LYN: variants seen among roughly 807,000 people sequenced by gnomAD.
The protein encoded by LYN is LYN proto-oncogene, Src family tyrosine kinase.
Under a neutral mutation model 65.0 loss-of-function variants are expected in LYN, and 12 were observed. The ratio of observed to expected loss-of-function variants is 0.18; its 90% confidence interval spans 0.12 to 0.30. The LOEUF is 0.30. Ranked by LOEUF, LYN falls within the 10% of genes least tolerant of loss-of-function variation. The pLI is 1.00. For missense variants in LYN, 380 were observed against 623.2 expected, an observed-to-expected ratio of 0.61 and a Z score of 4.16; for synonymous variants, 222 against 221.2, an observed-to-expected ratio of 1.00 and a Z score of -0.03.
intron 1 of LYN, among the ~76,000 whole-genome samples, chr8:55,937,292 C>T (rs1320316068): frequency 6.6e-6 from 1 of 152,082 alleles, no homozygotes; most frequent in African/African-American, 2.4e-5. Flanking sequence ...GGATTGTGTA[C>T]ATATATTAGG....
intron 10 of LYN, among the ~76,000 whole-genome samples, chr8:55,974,605 G>A (rs185790277): frequency 2.0e-5 from 3 of 152,270 alleles, no homozygotes; most frequent in East Asian, 3.9e-4. Context: ...TATGTTGGTC[G>A]TAAATCAGGC....
intron 1 of LYN, among the ~76,000 whole-genome samples, chr8:55,918,450 T>A (rs1365513938): frequency 6.6e-6 from 1 of 152,252 alleles, no homozygotes; most frequent in African/African-American, 2.4e-5. Context: ...TTACAAGCTC[T>A]AATGTGCAGC....
intron 1 of LYN, among the ~76,000 whole-genome samples, chr8:55,925,450 A>G (rs947305031): frequency 3.3e-5 from 5 of 152,116 alleles, no homozygotes; most frequent in African/African-American, 7.2e-5. Context: ...TCATTCCACC[A>G]TATTTCTTTT....
intron 1 of LYN, among the ~76,000 whole-genome samples, chr8:55,920,106 C>T (rs1422618484): frequency 6.6e-6 from 1 of 152,140 alleles, no homozygotes; most frequent in African/African-American, 2.4e-5. Context: ...AATATGTGAG[C>T]ATGGGCTGTA....
At chr8:55,969,673 T>C in intron 9 of LYN, 44 bp from the exon 10 acceptor site, 1 of 1,416,490 alleles carries the variant, frequency 7.1e-7, no homozygotes, top group Non-Finnish European at 1.0e-6. Context: ...GGATTTTTTC[T>C]TGTGTGTTTG....
intron 4 of LYN, 109 bp from the exon 5 acceptor site, chr8:55,950,350 A>G (rs1304629840): frequency 1.4e-6 from 1 of 720,516 alleles, no homozygotes; most frequent in Non-Finnish European, 2.3e-6. Context: ...TTTAATTGAT[A>G]TGTAATATCT....
intron 4 of LYN, among the ~76,000 whole-genome samples, chr8:55,949,341 G>T (rs901440853): frequency 6.6e-6 from 1 of 152,166 alleles, no homozygotes; most frequent in Admixed American, 6.5e-5. Context: ...TCTTCTTTGT[G>T]CACCCCTGAT....
intron 12 of LYN, among the ~76,000 whole-genome samples, chr8:56,003,890 A>G (rs1808599824): frequency 6.6e-6 from 1 of 150,752 alleles, no homozygotes; most frequent in Non-Finnish European, 1.5e-5. Context: ...TGAAATTTCT[A>G]ATTTTTTTAC....
intron 12 of LYN, among the ~76,000 whole-genome samples, chr8:56,005,894 G>A (rs1314658835): frequency 6.6e-6 from 1 of 152,088 alleles, no homozygotes; most frequent in African/African-American, 2.4e-5. Context: ...GACCAGCCTG[G>A]GCAACATAGC....
intron 10 of LYN, among the ~76,000 whole-genome samples, chr8:55,983,166 A>T (rs1019705661): frequency 6.6e-6 from 1 of 152,008 alleles, no homozygotes; most frequent in African/African-American, 2.4e-5. Context: ...GAACCCCGAC[A>T]TGTGCCCAGT....
At chr8:55,936,595 G>T (rs532898898) in intron 1 of LYN, among the ~76,000 whole-genome samples, 1 of 152,024 alleles carries the variant, frequency 6.6e-6, no homozygotes, top group Non-Finnish European at 1.5e-5. Context: ...AGCAGAGATC[G>T]CGCCATTGCA....
At chr8:55,898,222 T>A (rs146649403) in intron 1 of LYN, among the ~76,000 whole-genome samples, 1 of 152,176 alleles carries the variant, frequency 6.6e-6, no homozygotes, top group Non-Finnish European at 1.5e-5. Flanking sequence ...TTTTCTGTAA[T>A]GTCATATAAA....
intron 1 of LYN, 65 bp from the exon 2 acceptor site, chr8:55,941,790 C>T: frequency 8.4e-7 from 1 of 1,186,400 alleles, no homozygotes; most frequent in Non-Finnish European, 1.2e-6. Flanking sequence ...TTATTGGAGA[C>T]ATTTTGATGG....
chr8:55,915,208 C>T (rs369511879), intron 1 of LYN, among the ~76,000 whole-genome samples: 36 of 152,276 alleles, frequency 2.4e-4, no homozygotes, highest in African/African-American at 8.4e-4. Context: ...ATGGATGCTG[C>T]CTGCCTTCCA....
intron 1 of LYN, among the ~76,000 whole-genome samples, chr8:55,919,117 A>C (rs113515656): frequency 6.6e-4 from 100 of 152,124 alleles, no homozygotes; most frequent in Non-Finnish European, 9.6e-4. Context: ...GAGATAACAC[A>C]TTTTAAGCAG....
At chr8:55,942,431 ATG>A (rs1179290515) in intron 2 of LYN, among the ~76,000 whole-genome samples, 41 of 133,270 alleles carry the variant, frequency 3.1e-4, no homozygotes, top group Non-Finnish European at 5.2e-4. Flanking sequence ...ATATATATAT[ATG>A]TGTGTGTGTG....
intron 1 of LYN, among the ~76,000 whole-genome samples, chr8:55,900,955 T>C (rs1214335881): frequency 2.0e-5 from 3 of 152,064 alleles, no homozygotes; most frequent in Admixed American, 6.6e-5. Flanking sequence ...AGAAGGATAA[T>C]TGGCAAAGAA....
intron 10 of LYN, among the ~76,000 whole-genome samples, chr8:55,986,190 C>CCA (rs1808068354): frequency 1.3e-5 from 2 of 150,868 alleles, no homozygotes; most frequent in Admixed American, 6.6e-5. Flanking sequence ...CAGAATCCCC[C>CCA]CCGCAAAAAA....
intron 1 of LYN, among the ~76,000 whole-genome samples, chr8:55,927,703 C>T (rs188188148): frequency 2.0e-4 from 31 of 152,064 alleles, no homozygotes; most frequent in Non-Finnish European, 3.1e-4. Context: ...TGTGTGGTGG[C>T]GGGTGCCTGT....
Sources: allele counts gnomAD v4.1 joint callset (sites outside exome capture counted in the v4.1 genomes callset), GRCh38; gene constraint gnomAD v4.1.1; transcripts MANE v1.5; gene names NCBI Gene and HGNC (gene_info 2026-07-23, HGNC 2026-07-21).